THRAP3: variants seen among roughly 807,000 people sequenced by gnomAD.
The protein encoded by THRAP3 is thyroid hormone receptor associated protein 3.
A neutral mutation model predicts 101.0 loss-of-function variants in THRAP3; 16 were observed. That is an observed-to-expected ratio of 0.16 (90% confidence interval 0.11 to 0.24). The LOEUF is 0.24. Ranked by LOEUF, THRAP3 falls within the 10% of genes least tolerant of loss-of-function variation. THRAP3 has a pLI of 1.00. For missense variants in THRAP3, 989 were observed against 1,202.7 expected (o/e 0.82, Z 2.63); for synonymous variants, 407 against 422.6 (o/e 0.96, Z 0.45).
At chr1:36,256,348 C>G (rs1645375190) in intron 1 of THRAP3, among the ~76,000 whole-genome samples, 1 of 151,830 alleles carries the variant, frequency 6.6e-6, no homozygotes, top group African/African-American at 2.4e-5. Flanking sequence ...GCCTCAGCCT[C>G]CTGAGTAGCT....
chr1:36,301,645 G>A lies in THRAP3; in HGVS notation c.2595G>A (p.Arg865=), dbSNP rs775894932. 1 of 1,614,028 alleles carries A rather than the reference G, an allele frequency of 6.2e-7. No individual in the cohort carries two copies. The highest frequency in any genetic ancestry group is 1.3e-5 in the African/African-American group (1 of 74,914). Residue 865 remains arginine, a synonymous_variant, in exon 11 of 12, where the codon CGG becomes CGA. Transcript: ENST00000354618. ...NSNNDFQKRN[R]EEEWDPEYTP... ...ACAACGATTTTCAAAAAAGAAACCGGGAAGAGGAGTGGGACCCAGAGTACA... is the reference window on the plus strand; with the variant it reads ...ACAACGATTTTCAAAAAAGAAACCGAGAAGAGGAGTGGGACCCAGAGTACA...
chr1:36,259,444 T>C lies in THRAP3; in HGVS notation c.-72T>C, dbSNP rs2124486861. The stretch of plus-strand genomic sequence containing the variant: ...TGCTGCGGGTGTTCTTTTGGGGTAG[T>C]GTCTGGGATCCAGTACGAGTTGAAT... On this transcript the variant is annotated 5_prime_UTR_variant, in exon 2 of 12. Coordinates refer to ENST00000354618, the MANE Select transcript of THRAP3 (RefSeq NM_005119.4). The C allele has an allele frequency of 2.5e-6, 1 of 398,688 alleles. No homozygotes were observed. The highest frequency in any genetic ancestry group is 4.4e-6 in the Non-Finnish European group (1 of 226,072). The allele number at this position is 398,688 out of a possible 1,614,324, so 24.7% of individuals were successfully genotyped here. A position where few individuals can be genotyped will look rare whatever the true frequency, so the allele number is the denominator to read the frequency against.
chr1:36,291,652 G>A (rs1645869827), intron 6 of THRAP3, 106 bp downstream of exon 6: 1 of 1,255,798 alleles, frequency 8.0e-7, no homozygotes, highest in Non-Finnish European at 1.1e-6. Context: ...TCATCTAAAG[G>A]GCCTTTGAAG....
At position 36,296,725 on chromosome 1, in the gene THRAP3, C is replaced by T. The variant is rs765690489; in HGVS notation, c.2258C>T (p.Ser753Leu). Residue 753 changes from serine to leucine, a missense_variant, in exon 9 of 12, where the codon TCA becomes TTA. Physicochemically the swap from Ser to Leu is moderately radical, Grantham distance 145 (BLOSUM62 -2). Transcript: ENST00000354618. ...GACTCCAGTCACTCAAGGGAAAGGT[C>T]AGCTGAAAAAACAGAGAAAACTCAT... Reference protein sequence around the residue: ...SRDSSHSRERSAEKTEKTHKG... With the variant: ...SRDSSHSRERLAEKTEKTHKG... 47 of 1,603,530 alleles carry T rather than the reference C, an allele frequency of 2.9e-5. No homozygotes were observed. Among genetic ancestry groups the T allele is most frequent in the Non-Finnish European group, 3.9e-5 (46 of 1,177,500 alleles).
chr1:36,262,906 C>T (rs1277701632), intron 2 of THRAP3, among the ~76,000 whole-genome samples: 2 of 149,888 alleles, frequency 1.3e-5, no homozygotes, highest in East Asian at 3.9e-4. Flanking sequence ...CATTCTCCTG[C>T]CTCAGCCTGC....
chr1:36,264,740 CT>C (rs908765060), intron 2 of THRAP3, among the ~76,000 whole-genome samples: 20 of 151,278 alleles, frequency 1.3e-4, no homozygotes, highest in East Asian at 1.9e-4. Flanking sequence ...TTACCTTTAT[CT>C]TTTTTTTTAA....
intron 2 of THRAP3, among the ~76,000 whole-genome samples, chr1:36,280,799 T>C (rs1645720983): frequency 4.6e-5 from 7 of 152,024 alleles, no homozygotes; most frequent in Admixed American, 4.6e-4. Flanking sequence ...GTATACCTTG[T>C]AGACCAGGCG....
chr1:36,280,591 T>C (rs534546736), intron 2 of THRAP3, among the ~76,000 whole-genome samples: 45 of 152,326 alleles, frequency 3.0e-4, no homozygotes, highest in African/African-American at 9.9e-4. Flanking sequence ...GAGGCAGCAT[T>C]ACTTGGCAGA....
intron 7 of THRAP3, among the ~76,000 whole-genome samples, chr1:36,293,211 TAG>T (rs1360286537): frequency 2.6e-5 from 4 of 151,954 alleles, no homozygotes; most frequent in African/African-American, 9.7e-5. Context: ...GTATTTTTAG[TAG>T]AGACAGGGTT....
chr1:36,252,574 CAA>C (rs1349866074), intron 1 of THRAP3, among the ~76,000 whole-genome samples: 5 of 152,034 alleles, frequency 3.3e-5, no homozygotes, highest in Non-Finnish European at 7.4e-5. Context: ...ACTTACATGA[CAA>C]GAGAGAAAAC....
intron 9 of THRAP3, among the ~76,000 whole-genome samples, chr1:36,300,129 C>T (rs745337723): frequency 3.4e-4 from 51 of 152,160 alleles, no homozygotes; most frequent in Non-Finnish European, 6.6e-4. Flanking sequence ...GATAATGACT[C>T]ATCGTATTAA....
chr1:36,219,032 CAAAAAAA>C, the THRAP3 span, among the ~76,000 whole-genome samples: 1 of 64,708 alleles, frequency 1.5e-5, no homozygotes, highest in African/African-American at 4.3e-5. Flanking sequence ...GGCTCCATCT[CAAAAAAA>C]AAAAAAAAAA....
At chr1:36,303,479 C>T (rs1398159503) in intron 11 of THRAP3, among the ~76,000 whole-genome samples, 5 of 152,138 alleles carry the variant, frequency 3.3e-5, no homozygotes, top group African/African-American at 1.2e-4. Context: ...AAATGTCTTA[C>T]TTCAGTGCTC....
At chr1:36,263,663 T>G (rs750163892) in intron 2 of THRAP3, among the ~76,000 whole-genome samples, 7 of 151,982 alleles carry the variant, frequency 4.6e-5, no homozygotes, top group Non-Finnish European at 8.8e-5. Context: ...GCCTCTGGGG[T>G]GAATTGAATA....
intron 1 of THRAP3, among the ~76,000 whole-genome samples, chr1:36,241,150 T>TGAGCC (rs1303917450): frequency 7.2e-6 from 1 of 137,986 alleles, no homozygotes; most frequent in Non-Finnish European, 1.5e-5. Flanking sequence ...GAGCTTGCAG[T>TGAGCC]GAGCCGAGAT....
Position 36,270,966 on chromosome 1 carries a change from CT to C in THRAP3, c.-32+11491del, listed in dbSNP as rs202135446. On this transcript the variant is annotated intron_variant, in intron 2 of 11. Transcript: ENST00000354618. ...ATGTACACAACTCATGGAATGTTAA[CT>C]TTTTTTTTAGAATAATGGGGGAGAA... Among the ~76,000 whole-genome samples the C allele has an allele frequency of 6.0e-3, 900 of 151,192 alleles. 9 individuals are homozygous for C. Among genetic ancestry groups the C allele is most frequent in the African/African-American group, 0.02 (830 of 41,202 alleles).
upstream of THRAP3, among the ~76,000 whole-genome samples, chr1:36,221,029 T>C (rs1201109232): frequency 6.9e-6 from 1 of 144,274 alleles, no homozygotes; most frequent in East Asian, 2.0e-4. Context: ...AAATAATTTT[T>C]ACAATTTTAG....
chr1:36,261,705 G>C (rs1570283804), intron 2 of THRAP3, among the ~76,000 whole-genome samples: 1 of 152,116 alleles, frequency 6.6e-6, no homozygotes, highest in African/African-American at 2.4e-5. Flanking sequence ...AGATAGCTTC[G>C]AGTAGTATTT....
chr1:36,234,524 T>A (rs1645063436), intron 1 of THRAP3, among the ~76,000 whole-genome samples: 4 of 152,160 alleles, frequency 2.6e-5, no homozygotes, highest in Admixed American at 2.0e-4. Flanking sequence ...GTATATATAT[T>A]TTTTCCTTTG....
Sources: gnomAD v4.1 joint callset for allele counts (sites outside exome capture counted in the v4.1 genomes callset) on GRCh38, gnomAD v4.1.1 for gene constraint, MANE v1.5 for transcripts, NCBI Gene and HGNC (gene_info 2026-07-23, HGNC 2026-07-21) for gene names.